Variants in SDK2 observed in about 807,000 individuals in gnomAD.
SDK2 encodes the protein sidekick cell adhesion molecule 2.
In SDK2, 105 loss-of-function variants were observed where a neutral mutation model predicts 253.9. The observed-to-expected ratio is 0.41, with a 90% CI of 0.35 to 0.49. The LOEUF is 0.49. Ranked by LOEUF, SDK2 falls within the 20% of genes least tolerant of loss-of-function variation. The probability of loss-of-function intolerance (pLI) is 0.06; values close to 1 mark genes in which losing one functional copy is unlikely to be tolerated. For missense variants in SDK2, 2,608 were observed against 3,003.0 expected, an observed-to-expected ratio of 0.87 and a Z score of 3.07; for synonymous variants, 1,249 against 1,234.9, an observed-to-expected ratio of 1.01 and a Z score of -0.24.
At chr17:73,398,749 C>T (rs999429352) in intron 22 of SDK2, among the ~76,000 whole-genome samples, 2 of 152,102 alleles carry the variant, frequency 1.3e-5, no homozygotes, top group Admixed American at 1.3e-4. Context: ...AACAAGCAGC[C>T]CAGGTGATTC....
rs376364356 is a variant in SDK2, at chr17:73,414,778, C to A, written c.2369-19G>T. 6.6e-7 allele frequency: 1 copy of A among 1,523,152 alleles called. No individual in the cohort carries two copies. Among genetic ancestry groups the A allele is most frequent in the Non-Finnish European group, 9.1e-7 (1 of 1,098,492 alleles). 94.4% of individuals were successfully genotyped at this position (1,523,152 alleles called of 1,614,324 possible). A position where few individuals can be genotyped will look rare whatever the true frequency, so the allele number is the denominator to read the frequency against. ...GTGGGAACTAGAGGAGATGAGAGAA[C>A]GGGGTGGGGTGGAGGGGGCCCAGTC... On this transcript the variant is annotated intron_variant, in intron 17 of 44. Coordinates refer to ENST00000392650, the MANE Select transcript of SDK2 (RefSeq NM_001144952.2).
chr17:73,355,158 C>A (rs2062576145), intron 40 of SDK2, among the ~76,000 whole-genome samples: 2 of 46,020 alleles, frequency 4.3e-5, no homozygotes, highest in Admixed American at 5.1e-4. Context: ...TCCTACACCT[C>A]CATATATATA....
At chr17:73,588,284 G>C (rs760102952) in intron 1 of SDK2, among the ~76,000 whole-genome samples, 34 of 151,068 alleles carry the variant, frequency 2.3e-4, no homozygotes, top group South Asian at 1.7e-3. Flanking sequence ...CTACTCGGGA[G>C]GGGGAGGCAG....
chr17:73,459,318 T>G (rs1308379535), intron 3 of SDK2, among the ~76,000 whole-genome samples: 6 of 152,156 alleles, frequency 3.9e-5, no homozygotes, highest in African/African-American at 1.4e-4. Flanking sequence ...CTTTGGGAAC[T>G]CCTCACTGCC....
chr17:73,538,913 G>A (rs1766070968), intron 1 of SDK2, among the ~76,000 whole-genome samples: 2 of 152,166 alleles, frequency 1.3e-5, no homozygotes, highest in South Asian at 4.1e-4. Context: ...GGGCCTAGGA[G>A]GTCACCCCAT....
intron 1 of SDK2, among the ~76,000 whole-genome samples, chr17:73,579,638 G>A (rs1026956101): frequency 4.6e-5 from 7 of 152,208 alleles, no homozygotes; most frequent in African/African-American, 1.7e-4. Flanking sequence ...GTAAAATGAG[G>A]TCAGTAGGAT....
At chr17:73,480,594 C>T (rs912936410) in intron 2 of SDK2, among the ~76,000 whole-genome samples, 1 of 151,964 alleles carries the variant, frequency 6.6e-6, no homozygotes, top group Non-Finnish European at 1.5e-5. Flanking sequence ...TGGTAGCAGC[C>T]CTAAGGATCT....
chr17:73,434,353 A>G (rs995604045), intron 9 of SDK2, among the ~76,000 whole-genome samples: 9 of 152,188 alleles, frequency 5.9e-5, no homozygotes, highest in Admixed American at 2.6e-4. Flanking sequence ...TCCTTGCCCC[A>G]TCCCAGCCCT....
At chr17:73,586,172 A>G (rs1325056985) in intron 1 of SDK2, among the ~76,000 whole-genome samples, 1 of 152,098 alleles carries the variant, frequency 6.6e-6, no homozygotes, top group African/African-American at 2.4e-5. Flanking sequence ...AGCACTGGAT[A>G]AGGTGTTAGC....
intron 2 of SDK2, among the ~76,000 whole-genome samples, chr17:73,474,142 C>T (rs2063670124): frequency 6.6e-6 from 1 of 152,208 alleles, no homozygotes; most frequent in Admixed American, 6.5e-5. Context: ...GCTAGGATTA[C>T]AGGCATGAGC....
intron 24 of SDK2, among the ~76,000 whole-genome samples, chr17:73,396,989 G>A (rs1057019539): frequency 5.9e-5 from 9 of 152,206 alleles, no homozygotes; most frequent in Admixed American, 1.3e-4. Flanking sequence ...TTTCATGGCC[G>A]CTAGCATCAA....
chr17:73,432,061 A>AT (rs1315620622), intron 10 of SDK2, among the ~76,000 whole-genome samples: 1 of 151,990 alleles, frequency 6.6e-6, no homozygotes, highest in Non-Finnish European at 1.5e-5. Context: ...TGACAAGGTG[A>AT]TGACGGGCAT....
chr17:73,614,458 T>A (rs1484649526), intron 1 of SDK2, among the ~76,000 whole-genome samples: 1 of 150,544 alleles, frequency 6.6e-6, no homozygotes, highest in African/African-American at 2.5e-5. Flanking sequence ...TGAGTCAGGC[T>A]AGACTGGAGG....
At chr17:73,402,241 G>T in intron 18 of SDK2, 100 bp from the exon 19 acceptor site, 2 of 1,287,472 alleles carry the variant, frequency 1.6e-6, no homozygotes, top group Non-Finnish European at 2.2e-6. Context: ...GGTGTCCGGG[G>T]ACCGGAGTCC....
intron 5 of SDK2, among the ~76,000 whole-genome samples, chr17:73,444,409 C>T (rs2063437094): frequency 2.0e-5 from 3 of 152,188 alleles, no homozygotes; most frequent in African/African-American, 2.4e-5. Flanking sequence ...ATGAAAATCA[C>T]AGGTGAGCCC....
At position 73,338,698 on chromosome 17, in the gene SDK2, C is replaced by A. The variant is rs145777443; in HGVS notation, c.6408G>T (p.Thr2136=). ...TTGGGGGGTTAGGGGGGTTCTGGGG[C>A]GTTGGAGTCCGACTGGCCTTGGGCC... is the stretch of plus-strand genomic sequence containing the variant. ...LFRPKASRTP[T]PQNPPNPPSQ... Residue 2136 remains threonine (T), a synonymous_variant, in exon 45 of 45, where the codon ACG becomes ACT. Coordinates refer to ENST00000392650, the MANE Select transcript of SDK2 (RefSeq NM_001144952.2). The surrounding 1 kb of genome is among the most constrained non-coding windows in gnomAD (Gnocchi z 5.0). 1.9e-6 allele frequency: 3 copies of A among 1,606,742 alleles called. No homozygotes were observed.
At chr17:73,627,740 T>C (rs2046220042) in intron 1 of SDK2, among the ~76,000 whole-genome samples, 1 of 152,204 alleles carries the variant, frequency 6.6e-6, no homozygotes, top group African/African-American at 2.4e-5. Context: ...AGTGTGAGGA[T>C]GTTTTGTTTG....
At position 73,530,645 on chromosome 17, in the gene SDK2, C is replaced by G. The variant is rs142963861; in HGVS notation, c.65-23048G>C. 7.8e-3 allele frequency among the ~76,000 whole-genome samples: 1,189 copies of G among 152,274 alleles called. 14 individuals are homozygous for G. The highest frequency in any genetic ancestry group is 0.027 in the African/African-American group (1,136 of 41,550). On this transcript the variant is annotated intron_variant, in intron 1 of 44. Transcript: ENST00000392650. Reference sequence around the variant, plus strand: ...GCTTGTACTGCTGGTTGGGTGGGAGCAATGATGTCCAAATGGCACTACCAC... The same window carrying G: ...GCTTGTACTGCTGGTTGGGTGGGAGGAATGATGTCCAAATGGCACTACCAC...
chr17:73,601,946 G>T (rs1403420108), intron 1 of SDK2, among the ~76,000 whole-genome samples: 2 of 152,052 alleles, frequency 1.3e-5, no homozygotes, highest in East Asian at 1.9e-4. Context: ...ATTTTGCCAT[G>T]TTGGCCAGGC....
Sources: allele counts gnomAD v4.1 joint callset (sites outside exome capture counted in the v4.1 genomes callset), GRCh38; gene constraint gnomAD v4.1.1; non-coding constraint Gnocchi (gnomAD v3.1); transcripts MANE v1.5; gene names NCBI Gene and HGNC (gene_info 2026-07-23, HGNC 2026-07-21).